Variants in SMIM10L3 observed in about 807,000 individuals in gnomAD.
The protein encoded by SMIM10L3 is salivary gland specific protein SAGSIN1.
the SMIM10L3 span, among the ~76,000 whole-genome samples, chr7:6,345,959 G>A: frequency 1.3e-5 from 2 of 151,900 alleles, no homozygotes; most frequent in Non-Finnish European, 2.9e-5. Context: ...AGTAGAGATG[G>A]GGTTTTGCCA....
the SMIM10L3 span, among the ~76,000 whole-genome samples, chr7:6,341,410 C>T: frequency 1.3e-5 from 2 of 151,152 alleles, no homozygotes; most frequent in Non-Finnish European, 2.9e-5. Flanking sequence ...CCACTGTACT[C>T]CAGCCTGGGT....
chr7:6,345,265 G>A, the SMIM10L3 span, among the ~76,000 whole-genome samples: 2 of 151,760 alleles, frequency 1.3e-5, no homozygotes, highest in African/African-American at 2.4e-5. Flanking sequence ...TTACAGGCAC[G>A]CACCACGACA....
the SMIM10L3 span, among the ~76,000 whole-genome samples, chr7:6,343,963 G>C: frequency 1.3e-5 from 2 of 152,026 alleles, no homozygotes; most frequent in African/African-American, 4.8e-5. Context: ...ATAGCTTACT[G>C]TAGCCTTGAA....
At chr7:6,340,937 G>C in the SMIM10L3 span, among the ~76,000 whole-genome samples, 5 of 119,956 alleles carry the variant, frequency 4.2e-5, no homozygotes, top group Non-Finnish European at 6.6e-5. Flanking sequence ...CTGTCATCCT[G>C]CCTAACATGG....
chr7:6,348,730 A>C, the SMIM10L3 span: 3 of 416,614 alleles, frequency 7.2e-6, no homozygotes, highest in Non-Finnish European at 4.3e-6. Context: ...CGAGAGCCGG[A>C]CAGCCAGGCC....
At chr7:6,345,334 G>A in the SMIM10L3 span, among the ~76,000 whole-genome samples, 3 of 151,548 alleles carry the variant, frequency 2.0e-5, no homozygotes, top group Admixed American at 2.0e-4. Context: ...AGGCTGGTCT[G>A]GAACTCCTGG....
At chr7:6,335,505 G>C in the SMIM10L3 span, among the ~76,000 whole-genome samples, 1 of 151,302 alleles carries the variant, frequency 6.6e-6, no homozygotes, top group Non-Finnish European at 1.5e-5. Flanking sequence ...TGGGACTACA[G>C]GTGTGAGCCT....
At chr7:6,332,366 C>T in the SMIM10L3 span, among the ~76,000 whole-genome samples, 4 of 152,114 alleles carry the variant, frequency 2.6e-5, no homozygotes, top group Non-Finnish European at 5.9e-5. Flanking sequence ...GTACTGATTA[C>T]TGCCCTATGG....
At chr7:6,348,233 G>GT in the SMIM10L3 span, among the ~76,000 whole-genome samples, 1 of 40,758 alleles carries the variant, frequency 2.5e-5, no homozygotes, top group East Asian at 9.8e-3. Flanking sequence ...TTAAAAATAA[G>GT]GGGGGGGGTT....
chr7:6,330,680 G>C, the SMIM10L3 span: 1 of 1,614,108 alleles, frequency 6.2e-7, no homozygotes, highest in Non-Finnish European at 8.5e-7. Flanking sequence ...GGCACTTTTT[G>C]ATGGCGTGGC....
the SMIM10L3 span, chr7:6,331,330 T>C: frequency 3.0e-6 from 2 of 656,128 alleles, no homozygotes; most frequent in Non-Finnish European, 5.2e-6. Flanking sequence ...AACACTGAGA[T>C]CTTTATGACA....
chr7:6,340,181 G>A, the SMIM10L3 span, among the ~76,000 whole-genome samples: 4 of 152,066 alleles, frequency 2.6e-5, no homozygotes, highest in Admixed American at 6.6e-5. Context: ...TACCGCGCCC[G>A]GCCCCTCCCA....
At chr7:6,334,723 C>G in the SMIM10L3 span, among the ~76,000 whole-genome samples, 1 of 152,090 alleles carries the variant, frequency 6.6e-6, no homozygotes, top group Non-Finnish European at 1.5e-5. Context: ...GCCTTGGCCT[C>G]CCAAAGTGCT....
the SMIM10L3 span, among the ~76,000 whole-genome samples, chr7:6,332,747 C>T: frequency 6.6e-6 from 1 of 152,162 alleles, no homozygotes; most frequent in African/African-American, 2.4e-5. Flanking sequence ...AAAGGATCAG[C>T]TACAGCTGAA....
the SMIM10L3 span, among the ~76,000 whole-genome samples, chr7:6,333,894 TG>T: frequency 6.9e-6 from 1 of 144,370 alleles, no homozygotes; most frequent in Non-Finnish European, 1.5e-5. Flanking sequence ...TTGCCCAGGC[TG>T]GAGTGCAGTG....
chr7:6,344,149 A>G, the SMIM10L3 span, among the ~76,000 whole-genome samples: 1 of 143,668 alleles, frequency 7.0e-6, no homozygotes, highest in Non-Finnish European at 1.5e-5. Flanking sequence ...GAAGAACAAG[A>G]AAAAAAAAAA....
chr7:6,331,016 T>C, the SMIM10L3 span: 2 of 1,614,020 alleles, frequency 1.2e-6, no homozygotes, highest in Non-Finnish European at 1.7e-6. Flanking sequence ...GGCTTATTCA[T>C]CCAGGAGGGT....
At chr7:6,346,490 A>G in the SMIM10L3 span, among the ~76,000 whole-genome samples, 19 of 151,992 alleles carry the variant, frequency 1.3e-4, no homozygotes, top group Non-Finnish European at 1.9e-4. Context: ...CCTCAGCCCC[A>G]CAAGCAGCTG....
At chr7:6,340,898 C>CA in the SMIM10L3 span, among the ~76,000 whole-genome samples, 5,259 of 33,434 alleles carry the variant, frequency 0.16, 436 homozygotes, top group East Asian at 0.52. Context: ...GACTCCATCT[C>CA]AAAAAAAAAA....
Sources: gnomAD v4.1 joint callset for allele counts (sites outside exome capture counted in the v4.1 genomes callset) on GRCh38, gnomAD v4.1.1 for gene constraint, MANE v1.5 for transcripts, NCBI Gene and HGNC (gene_info 2026-07-23, HGNC 2026-07-21) for gene names.